MOCOS: variants seen among roughly 807,000 people sequenced by gnomAD.
The protein encoded by MOCOS is human molybdenum cofactor sulfurase.
MOCOS carries 86 observed loss-of-function variants against 83.6 expected under a neutral mutation model. That is an observed-to-expected ratio of 1.03 (90% CI 0.86 to 1.23). The LOEUF (loss-of-function observed/expected upper bound fraction) is 1.23. MOCOS is among the 50% of genes most tolerant of loss of function. The probability of loss-of-function intolerance (pLI) is 0.00; values close to 1 mark genes in which losing one functional copy is unlikely to be tolerated. For missense variants in MOCOS, 1,120 were observed against 1,126.9 expected (o/e 0.99, Z 0.09); for synonymous variants, 445 against 434.7 (o/e 1.02, Z -0.29).
intron 8 of MOCOS, among the ~76,000 whole-genome samples, chr18:36,219,340 C>G (rs1280881022): frequency 6.6e-6 from 1 of 151,914 alleles, no homozygotes; most frequent in South Asian, 2.1e-4. Context: ...TATGTCTATA[C>G]TATTATGAAA....
intron 1 of MOCOS, among the ~76,000 whole-genome samples, chr18:36,189,512 G>A (rs2091356754): frequency 1.3e-5 from 2 of 152,286 alleles, no homozygotes; most frequent in East Asian, 3.9e-4. Context: ...CTCCCCTCAT[G>A]AAGTTTTTCT....
chr18:36,264,619 T>C (rs902041339), intron 13 of MOCOS, among the ~76,000 whole-genome samples: 1 of 152,156 alleles, frequency 6.6e-6, no homozygotes, highest in East Asian at 1.9e-4. Flanking sequence ...AAGGAAACGA[T>C]ATCTGGAGAG....
intron 9 of MOCOS, among the ~76,000 whole-genome samples, chr18:36,231,536 T>G: frequency 6.6e-6 from 1 of 152,114 alleles, no homozygotes; most frequent in East Asian, 1.9e-4. Context: ...TGTGACATAG[T>G]AAGTTTTTTG....
intron 13 of MOCOS, 32 bp from the exon 14 acceptor site, chr18:36,266,717 G>A: frequency 1.9e-6 from 3 of 1,585,434 alleles, no homozygotes; most frequent in Non-Finnish European, 2.6e-6. Context: ...TCACTTTTGT[G>A]GCAACGCTGT....
intron 9 of MOCOS, among the ~76,000 whole-genome samples, chr18:36,243,060 T>C (rs2091589657): frequency 6.6e-6 from 1 of 152,242 alleles, no homozygotes; most frequent in South Asian, 2.1e-4. Context: ...GAGTTCTTGA[T>C]TTGATTCTCA....
At chr18:36,235,731 G>C (rs1457137470) in intron 9 of MOCOS, among the ~76,000 whole-genome samples, 1 of 151,408 alleles carries the variant, frequency 6.6e-6, no homozygotes, top group Non-Finnish European at 1.5e-5. Context: ...GGTTGAACTA[G>C]TTTACAGTCC....
Position 36,199,596 on chromosome 18 carries a change from T to C in MOCOS, c.300-87T>C, listed in dbSNP as rs1379091951. 3 of 1,589,574 alleles carry C rather than the reference T, an allele frequency of 1.9e-6. No individual in the cohort carries two copies. In the African/African-American group the frequency reaches 4.0e-5, roughly 21 times the overall value. Reference sequence around the variant, plus strand: ...CTATCTATCCATTAAGGTAGAGATGTCATAGTTAATAGAAATAAAACAGCC... The same window carrying C: ...CTATCTATCCATTAAGGTAGAGATGCCATAGTTAATAGAAATAAAACAGCC... On this transcript the variant is annotated intron_variant, in intron 3 of 14. Coordinates refer to ENST00000261326, the MANE Select transcript of MOCOS (RefSeq NM_017947.4).
At position 36,195,465 on chromosome 18, in the gene MOCOS, C is replaced by T. The variant is rs982031128; in HGVS notation, c.232+119C>T. On this transcript the variant is annotated intron_variant, in intron 2 of 14. Transcript: ENST00000261326. ...CTGACCACAAAAAGCTGAATAAGCC[C>T]CATGTAAGATAGGGGCCAGGCAAGC... 3.1e-6 allele frequency: 3 copies of T among 962,384 alleles called. No homozygotes were observed. The African/African-American group carries it at 4.8e-5, about 16-fold the overall frequency. 59.6% of individuals were successfully genotyped at this position (962,384 alleles called of 1,614,324 possible). A position where few individuals can be genotyped will look rare whatever the true frequency, so the allele number is the denominator to read the frequency against.
At position 36,272,155 on chromosome 18, in the gene MOCOS, T is replaced by C. The variant is rs747772001; in HGVS notation, c.*3470T>C. ...GATAATTAAAACGTTTTGGAACAAT[T>C]CATCTCAATTTTCTTTGCTTTGTTT... On this transcript the variant is annotated 3_prime_UTR_variant, in exon 15 of 15. Coordinates refer to ENST00000261326, the MANE Select transcript of MOCOS (RefSeq NM_017947.4). The C allele has an allele frequency of 2.6e-5, 4 of 152,242 alleles. No individual in the cohort carries two copies. The highest frequency in any genetic ancestry group is 5.9e-5 in the Non-Finnish European group (4 of 68,044). The allele number at this position is 152,242 out of a possible 1,614,324, so 9.4% of individuals were successfully genotyped here. A position where few individuals can be genotyped will look rare whatever the true frequency, so the allele number is the denominator to read the frequency against.
rs145493203 is a variant in MOCOS, at chr18:36,253,159, C to T, written c.2164+1876C>T. Among the ~76,000 whole-genome samples, 143 of 152,310 alleles carry T rather than the reference C, an allele frequency of 9.4e-4. 1 individual carries two copies. The highest frequency in any genetic ancestry group is 1.5e-3 in the Non-Finnish European group (99 of 68,036). The stretch of plus-strand genomic sequence containing the variant: ...AATTATTCATAGCACCCATTGCCTA[C>T]CTGGGGTTTACTGGGTTTCAGGAGG... On this transcript the variant is annotated intron_variant, in intron 11 of 14. Transcript: ENST00000261326.
Position 36,205,187 on chromosome 18 carries a change from G to A in MOCOS, c.1129G>A (p.Asp377Asn), listed in dbSNP as rs1415461432. The A allele has an allele frequency of 1.2e-6, 2 of 1,613,802 alleles. No homozygotes were observed. The highest frequency in any genetic ancestry group is 2.2e-5 in the East Asian group (1 of 44,850). ...AGCCCCTGTGGTGCGGATTTACAGC[G>A]ATTCTGAGTTCAGCAGCCCTGAGGT... Reference protein sequence around the residue: ...NGAPVVRIYSDSEFSSPEVQG... With the variant: ...NGAPVVRIYSNSEFSSPEVQG... The change falls in exon 6 of 15, where the codon GAT (aspartate) becomes AAT (asparagine). Residue 377 changes from aspartate (D) to asparagine (N), a missense_variant. Transcript: ENST00000261326.
Position 36,260,056 on chromosome 18 carries a change from G to C in MOCOS, c.2290G>C (p.Glu764Gln). ...AATCAGTGATGAGAATGGAAAGGAG[G>C]AATTATTCTCACTGAAGGATCTCAG... ...LNTSDENGKE[E>Q]LFSLKDLSLR... The change falls in exon 13 of 15, where the codon GAA (glutamate) becomes CAA (glutamine). Residue 764 changes from glutamate to glutamine, a missense_variant. Transcript: ENST00000261326. The C allele has an allele frequency of 3.1e-6, 5 of 1,614,192 alleles. No individual in the cohort carries two copies. The highest frequency in any genetic ancestry group is 4.2e-6 in the Non-Finnish European group (5 of 1,180,042).
intron 9 of MOCOS, among the ~76,000 whole-genome samples, chr18:36,243,115 G>A (rs954984998): frequency 1.4e-4 from 21 of 152,094 alleles, no homozygotes; most frequent in East Asian, 1.9e-4. Context: ...ATTTGTGTAC[G>A]TTGATTTTGT....
intron 1 of MOCOS, among the ~76,000 whole-genome samples, chr18:36,187,990 T>A (rs1049749024): frequency 1.8e-4 from 27 of 152,168 alleles, no homozygotes; most frequent in Admixed American, 1.6e-3. Context: ...GGGAGACCCC[T>A]CACTGTAAAG....
intron 6 of MOCOS, among the ~76,000 whole-genome samples, chr18:36,213,002 A>G (rs1234777557): frequency 1.3e-5 from 2 of 152,210 alleles, no homozygotes; most frequent in Non-Finnish European, 2.9e-5. Context: ...TGGACTGAAA[A>G]GCAATTCTGT....
intron 2 of MOCOS, 80 bp downstream of exon 2, chr18:36,195,426 A>T: frequency 7.8e-7 from 1 of 1,286,458 alleles, no homozygotes; most frequent in Admixed American, 1.7e-5. Flanking sequence ...CTGGATTAAT[A>T]GGCCAGGAAT....
chr18:36,255,346 C>T (rs1349933424), intron 11 of MOCOS, among the ~76,000 whole-genome samples: 1 of 152,236 alleles, frequency 6.6e-6, no homozygotes, highest in Non-Finnish European at 1.5e-5. Context: ...CTTTCATCAT[C>T]TGTCTCTTGA....
chr18:36,238,956 C>T (rs1484984384), intron 9 of MOCOS, among the ~76,000 whole-genome samples: 4 of 151,142 alleles, frequency 2.6e-5, no homozygotes, highest in African/African-American at 7.3e-5. Flanking sequence ...AGGATTGCAA[C>T]CCCTGCCTTT....
chr18:36,249,307 G>A (rs1191616350), intron 10 of MOCOS, among the ~76,000 whole-genome samples: 2 of 152,106 alleles, frequency 1.3e-5, no homozygotes, highest in African/African-American at 2.4e-5. Context: ...CTGTTCAAAA[G>A]CCCCCTTCTC....
Sources: gnomAD v4.1 joint callset for allele counts (sites outside exome capture counted in the v4.1 genomes callset) on GRCh38, gnomAD v4.1.1 for gene constraint, MANE v1.5 for transcripts, NCBI Gene and HGNC (gene_info 2026-07-23, HGNC 2026-07-21) for gene names.